CLEC6A: variants seen among roughly 807,000 people sequenced by gnomAD.
CLEC6A encodes C-type lectin domain containing 6A.
In CLEC6A, 22 loss-of-function variants were observed where a neutral mutation model predicts 25.7. The observed-to-expected ratio is 0.85, with a 90% CI of 0.61 to 1.22. The LOEUF (loss-of-function observed/expected upper bound fraction) is 1.22. CLEC6A is among the 50% of genes most tolerant of loss of function. The pLI is 0.00. For missense variants in CLEC6A, 240 were observed against 236.8 expected (o/e 1.01, Z -0.09); for synonymous variants, 92 against 76.7 (o/e 1.20, Z -1.04).
intron 4 of CLEC6A, among the ~76,000 whole-genome samples, chr12:8,473,668 G>A (rs1222226020): frequency 6.6e-6 from 1 of 152,064 alleles, no homozygotes; most frequent in Non-Finnish European, 1.5e-5. Context: ...TTCCATGGAG[G>A]CTGAACTAAT....
At chr12:8,474,742 T>C (rs1939948339) in intron 4 of CLEC6A, among the ~76,000 whole-genome samples, 1 of 152,192 alleles carries the variant, frequency 6.6e-6, no homozygotes. Context: ...GAAAACAATC[T>C]GGACATAGCT....
At chr12:8,474,819 C>G (rs768844980) in intron 4 of CLEC6A, among the ~76,000 whole-genome samples, 1 of 152,100 alleles carries the variant, frequency 6.6e-6, no homozygotes, top group Non-Finnish European at 1.5e-5. Context: ...AATAAATCGA[C>G]TATAGTTAAA....
chr12:8,476,322 A>G (rs1364689151), intron 5 of CLEC6A, 82 bp downstream of exon 5: 1 of 780,166 alleles, frequency 1.3e-6, no homozygotes. Flanking sequence ...TAATATTGGT[A>G]ATTATGATAA....
At chr12:8,461,291 A>G (rs186408539) in intron 3 of CLEC6A, 2 of 554,800 alleles carry the variant, frequency 3.6e-6, no homozygotes, top group East Asian at 3.0e-5. Context: ...TCAAAAAAAA[A>G]CAAGAAAAGA....
intron 3 of CLEC6A, 108 bp from the exon 4 acceptor site, chr12:8,465,376 C>G (rs978593743): frequency 1.9e-6 from 2 of 1,044,192 alleles, no homozygotes; most frequent in East Asian, 5.1e-5. Context: ...ATTCAGGAAA[C>G]AGTAAAAACG....
chr12:8,461,377 T>A (rs141927551), intron 3 of CLEC6A: 57 of 390,856 alleles, frequency 1.5e-4, no homozygotes, highest in African/African-American at 1.1e-3. Flanking sequence ...ACAACTAGCA[T>A]TTGAATGAAT....
rs1392854398 is a variant in CLEC6A at position 8,457,360 on chromosome 12, C to T, written c.32-538C>T. Reference sequence around the variant, plus strand: ...TGTGCCTGGCTCATTTCACTTAACACGATGTCCTCTGGTTCCATCTGTGCT... The same window carrying T: ...TGTGCCTGGCTCATTTCACTTAACATGATGTCCTCTGGTTCCATCTGTGCT... On this transcript the variant is annotated intron_variant, in intron 1 of 5. Transcript: ENST00000382073. Among the ~76,000 whole-genome samples, 7 of 152,142 alleles carry T rather than the reference C, an allele frequency of 4.6e-5. No homozygotes were observed. In the South Asian group the frequency reaches 6.2e-4, roughly 13 times the overall value.
chr12:8,475,765 G>A (rs990737836), intron 4 of CLEC6A, among the ~76,000 whole-genome samples: 4 of 151,764 alleles, frequency 2.6e-5, no homozygotes, highest in Middle Eastern at 3.2e-3. Context: ...CTCTCATCTG[G>A]TCACCCCTTG....
chr12:8,468,417 A>C (rs1939864772), intron 4 of CLEC6A, among the ~76,000 whole-genome samples: 1 of 152,234 alleles, frequency 6.6e-6, no homozygotes, highest in South Asian at 2.1e-4. Context: ...TACATATAAG[A>C]TTATGTCATC....
Position 8,478,169 on chromosome 12 carries a change from T to G in CLEC6A, c.*705T>G, listed in dbSNP as rs1427164586. ...ATTTAAATTTTGTCAAATCTTTCTT[T>G]GCTTGCAAGCATTTCTTGTTACCCA... On this transcript the variant is annotated 3_prime_UTR_variant, in exon 6 of 6. Transcript: ENST00000382073. The G allele has an allele frequency of 1.3e-5, 2 of 152,062 alleles. No homozygotes were observed. The highest frequency in any genetic ancestry group is 1.9e-4 in the East Asian group (1 of 5,204). 9.4% of individuals were successfully genotyped at this position (152,062 alleles called of 1,614,324 possible). A position where few individuals can be genotyped will look rare whatever the true frequency, so the allele number is the denominator to read the frequency against.
At chr12:8,473,705 A>G (rs1277072425) in intron 4 of CLEC6A, among the ~76,000 whole-genome samples, 1 of 152,128 alleles carries the variant, frequency 6.6e-6, no homozygotes, top group Non-Finnish European at 1.5e-5. Context: ...AATGTATGTA[A>G]GTGTTCCCTT....
Position 8,477,431 on chromosome 12 carries a change from T to C in CLEC6A, c.597T>C (p.Asn199=). 1.2e-6 allele frequency: 2 copies of C among 1,610,524 alleles called. No homozygotes were observed. The highest frequency in any genetic ancestry group is 1.7e-6 in the Non-Finnish European group (2 of 1,177,974). The stretch of plus-strand genomic sequence containing the variant: ...ATGTTATCTGTGAAACTAGAAGGAA[T>C]TCAATATGTGAGATGAATAAGATTT... ...WNDVICETRR[N]SICEMNKIYL is the part of the protein sequence containing the mutation. Residue 199 remains asparagine (N), a synonymous_variant, in exon 6 of 6, where the codon AAT becomes AAC. Coordinates refer to ENST00000382073, the MANE Select transcript of CLEC6A (RefSeq NM_001007033.2).
At chr12:8,456,697 A>G (rs1050389767) in intron 1 of CLEC6A, among the ~76,000 whole-genome samples, 15 of 152,226 alleles carry the variant, frequency 9.9e-5, no homozygotes, top group African/African-American at 2.9e-4. Context: ...TGACACAAGA[A>G]TATGATGCGT....
chr12:8,458,083 C>A, intron 2 of CLEC6A, 96 bp downstream of exon 2: 2 of 765,760 alleles, frequency 2.6e-6, no homozygotes, highest in South Asian at 3.3e-5. Context: ...CCCATTAATA[C>A]GTCAGCTCTT....
At chr12:8,457,244 C>T (rs1939689220) in intron 1 of CLEC6A, among the ~76,000 whole-genome samples, 1 of 152,232 alleles carries the variant, frequency 6.6e-6, no homozygotes, top group South Asian at 2.1e-4. Flanking sequence ...ACCTTCCTGG[C>T]CTCTGGTAAC....
At chr12:8,475,391 T>C (rs1267036069) in intron 4 of CLEC6A, among the ~76,000 whole-genome samples, 1 of 151,928 alleles carries the variant, frequency 6.6e-6, no homozygotes, top group Non-Finnish European at 1.5e-5. Context: ...CATATGTATA[T>C]ATGAAAAGAT....
chr12:8,474,463 G>T (rs1161112525), intron 4 of CLEC6A, among the ~76,000 whole-genome samples: 1 of 152,152 alleles, frequency 6.6e-6, no homozygotes, highest in Non-Finnish European at 1.5e-5. Flanking sequence ...TAATGTTTTG[G>T]TTACTGTAGC....
In CLEC6A at chr12:8,477,228, A is replaced by T. The variant is rs1939987364; in HGVS notation, c.486-92A>T. Reference sequence around the variant, plus strand: ...ATCATTGGAATGTTCTCTCTTCCTAAATCCCACTTTGTTCACCCCAGACTT... The same window carrying T: ...ATCATTGGAATGTTCTCTCTTCCTATATCCCACTTTGTTCACCCCAGACTT... On this transcript the variant is annotated intron_variant, in intron 5 of 5. Transcript: ENST00000382073. 4 of 981,066 alleles carry T rather than the reference A, an allele frequency of 4.1e-6. No individual in the cohort carries two copies. The East Asian group carries it at 1.0e-4, about 26-fold the overall frequency. The allele number at this position is 981,066 out of a possible 1,614,324, so 60.8% of individuals were successfully genotyped here.
chr12:8,456,629 T>C (rs1459565718), intron 1 of CLEC6A, among the ~76,000 whole-genome samples: 1 of 152,186 alleles, frequency 6.6e-6, no homozygotes, highest in African/African-American at 2.4e-5. Flanking sequence ...AAATTTTTAT[T>C]AAAATTTTTT....
Sources: gnomAD v4.1 joint callset for allele counts (sites outside exome capture counted in the v4.1 genomes callset) on GRCh38, gnomAD v4.1.1 for gene constraint, MANE v1.5 for transcripts, NCBI Gene and HGNC (gene_info 2026-07-23, HGNC 2026-07-21) for gene names.